CPPED1: variants seen among roughly 807,000 people sequenced by gnomAD.
CPPED1 encodes the protein serine/threonine-protein phosphatase CPPED1.
In CPPED1, 28 loss-of-function variants were observed where a neutral mutation model predicts 28.0. The observed-to-expected ratio is 1.00, with a 90% CI of 0.74 to 1.37. The LOEUF (loss-of-function observed/expected upper bound fraction) is 1.37. Among genes scored for constraint, CPPED1 ranks in the 40% most tolerant of loss-of-function variants. CPPED1 has a pLI of 0.00. For synonymous variants in CPPED1, 198 were observed against 180.2 expected (o/e 1.10, Z -0.79); for missense variants, 504 against 416.5 (o/e 1.21, Z -1.83).
chr16:12,692,268 T>C (rs1343862341), intron 3 of CPPED1, among the ~76,000 whole-genome samples: 1 of 152,074 alleles, frequency 6.6e-6, no homozygotes, highest in Non-Finnish European at 1.5e-5. Flanking sequence ...CTAACTTTAA[T>C]TTGTCCCCGG....
intron 3 of CPPED1, among the ~76,000 whole-genome samples, chr16:12,683,645 G>A (rs140542302): frequency 2.6e-5 from 4 of 152,192 alleles, no homozygotes; most frequent in East Asian, 1.9e-4. Flanking sequence ...GAGTCACCCC[G>A]AGACTCCCTT....
In CPPED1 at chr16:12,704,817, G is replaced by A. The variant is rs766929400; in HGVS notation, c.522C>T (p.Cys174=). The A allele has an allele frequency of 1.7e-5, 28 of 1,614,124 alleles. No individual in the cohort carries two copies. Among genetic ancestry groups the A allele is most frequent in the Middle Eastern group, 1.6e-4 (1 of 6,084 alleles). ...NSQFYENPSK[C]PSLKQAQDQW... Reference sequence around the variant, plus strand: ...GGTCCTGAGCCTGCTTCAGGCTGGGGCATTTGGAGGGGTTCTCGTAGAACT... The same window carrying A: ...GGTCCTGAGCCTGCTTCAGGCTGGGACATTTGGAGGGGTTCTCGTAGAACT... The change falls in exon 3 of 4, where the codon TGC becomes TGT. Residue 174 remains cysteine (C), a synonymous_variant. Transcript: ENST00000381774.
intron 2 of CPPED1, among the ~76,000 whole-genome samples, chr16:12,752,040 C>T (rs979556879): frequency 2.6e-5 from 4 of 152,158 alleles, no homozygotes; most frequent in Non-Finnish European, 4.4e-5. Context: ...CTCCCCAGGT[C>T]AAAGCATTTC....
intron 2 of CPPED1, among the ~76,000 whole-genome samples, chr16:12,730,698 C>G (rs1313739192): frequency 6.6e-6 from 1 of 152,210 alleles, no homozygotes; most frequent in Non-Finnish European, 1.5e-5. Context: ...ACACAAGAGT[C>G]AATACCGCAT....
intron 3 of CPPED1, among the ~76,000 whole-genome samples, chr16:12,669,433 T>C (rs1220716696): frequency 6.6e-6 from 1 of 152,142 alleles, no homozygotes; most frequent in Non-Finnish European, 1.5e-5. Context: ...TGTGAATATA[T>C]TAAAACGACT....
chr16:12,676,147 C>A (rs1420073563), intron 3 of CPPED1, among the ~76,000 whole-genome samples: 1 of 152,198 alleles, frequency 6.6e-6, no homozygotes, highest in African/African-American at 2.4e-5. Flanking sequence ...TATATCTTCC[C>A]CAGTGACCCA....
chr16:12,688,032 AT>A (rs555581530), intron 3 of CPPED1, among the ~76,000 whole-genome samples: 500 of 143,588 alleles, frequency 3.5e-3, no homozygotes, highest in Admixed American at 3.5e-3. Context: ...AACTCACACT[AT>A]TTTTTTTTTT....
intron 3 of CPPED1, among the ~76,000 whole-genome samples, chr16:12,701,212 T>C (rs978125806): frequency 2.7e-5 from 4 of 150,684 alleles, no homozygotes; most frequent in African/African-American, 9.8e-5. Flanking sequence ...CTGAGTGACA[T>C]AGTAAGACTC....
chr16:12,772,634 C>T (rs1008618921), intron 2 of CPPED1, among the ~76,000 whole-genome samples: 2 of 152,190 alleles, frequency 1.3e-5, no homozygotes, highest in African/African-American at 4.8e-5. Flanking sequence ...ATGTCTGGGA[C>T]CCTTTTAACT....
rs938712867 is a variant in CPPED1 at position 12,662,580 on chromosome 16, G to C, written c.*2306C>G. The C allele has an allele frequency of 1.2e-4, 19 of 152,132 alleles. No individual in the cohort carries two copies. Among genetic ancestry groups the C allele is most frequent in the Admixed American group, 1.0e-3 (16 of 15,268 alleles). The allele number at this position is 152,132 out of a possible 1,614,324, so 9.4% of individuals were successfully genotyped here. On this transcript the variant is annotated 3_prime_UTR_variant, in exon 4 of 4. Coordinates refer to ENST00000381774, the MANE Select transcript of CPPED1 (RefSeq NM_018340.3). ...CTCCAATGTTTGTTCCACACTCTAT[G>C]TTCATGGGTACACTTTATGTAGCTC...
In CPPED1 at chr16:12,785,686, G is replaced by C. The variant is rs150384136; in HGVS notation, c.71-4283C>G. Among the ~76,000 whole-genome samples, 342 of 148,836 alleles carry C rather than the reference G, an allele frequency of 2.3e-3. 1 individual carries two copies. Among genetic ancestry groups the C allele is most frequent in the African/African-American group, 8.2e-3 (334 of 40,504 alleles). ...CAAATGATCTGCCCGCCTTGGCCTT[G>C]GACTCCCAAAGTACTGGGATTATAG... On this transcript the variant is annotated intron_variant, in intron 1 of 3. Transcript: ENST00000381774.
chr16:12,780,333 G>A (rs1310743632), intron 2 of CPPED1, among the ~76,000 whole-genome samples: 3 of 151,998 alleles, frequency 2.0e-5, no homozygotes, highest in African/African-American at 7.3e-5. Context: ...GCACCACCAC[G>A]TCTGGCTAAT....
Position 12,803,689 on chromosome 16 carries a change from G to GT in CPPED1, c.70+17dup, listed in dbSNP as rs775041205. On this transcript the variant is annotated intron_variant, in intron 1 of 3. Transcript: ENST00000381774. The stretch of plus-strand genomic sequence containing the variant: ...CGCAGCCCCAGAGTCCCCTCCCCGG[G>GT]TGAGGGGCGGGCAGTACCTGCGGGA... 2.6e-6 allele frequency: 4 copies of GT among 1,538,446 alleles called. No homozygotes were observed. The African/African-American group carries it at 5.7e-5, about 22-fold the overall frequency.
chr16:12,669,547 C>T (rs1310212236), intron 3 of CPPED1, among the ~76,000 whole-genome samples: 1 of 152,134 alleles, frequency 6.6e-6, no homozygotes, highest in African/African-American at 2.4e-5. Context: ...TGATCCATAT[C>T]ACAACAACGG....
intron 2 of CPPED1, among the ~76,000 whole-genome samples, chr16:12,769,095 C>T (rs1330961329): frequency 6.6e-6 from 1 of 151,948 alleles, no homozygotes; most frequent in African/African-American, 2.4e-5. Flanking sequence ...GAACTCCTGA[C>T]CTCAAGTGAT....
At chr16:12,674,534 G>A (rs998197758) in intron 3 of CPPED1, among the ~76,000 whole-genome samples, 4 of 152,162 alleles carry the variant, frequency 2.6e-5, no homozygotes, top group East Asian at 3.9e-4. Context: ...AAGGGCAACC[G>A]CTCCAGGTGG....
rs2141238711 is a variant in CPPED1 at position 12,781,138 on chromosome 16, T to C, written c.289+47A>G. 1.9e-6 allele frequency: 3 copies of C among 1,552,006 alleles called. No individual in the cohort carries two copies. The East Asian group carries it at 7.0e-5, about 36-fold the overall frequency. On this transcript the variant is annotated intron_variant, in intron 2 of 3. Transcript: ENST00000381774. ...TTTTTCTCCTGCCCAAATGCAGTCATGACCGGCTGAAGGAGAAAAGGTCAC... is the reference window on the plus strand; with the variant it reads ...TTTTTCTCCTGCCCAAATGCAGTCACGACCGGCTGAAGGAGAAAAGGTCAC...
At chr16:12,748,880 C>G (rs1185523111) in intron 2 of CPPED1, among the ~76,000 whole-genome samples, 1 of 75,878 alleles carries the variant, frequency 1.3e-5, no homozygotes, top group Non-Finnish European at 3.2e-5. Context: ...GAGACTCCAT[C>G]TCAAAAAAAA....
At chr16:12,717,287 G>A (rs748929523) in intron 2 of CPPED1, among the ~76,000 whole-genome samples, 7 of 152,092 alleles carry the variant, frequency 4.6e-5, no homozygotes, top group Non-Finnish European at 7.4e-5. Context: ...TCTTTGAGGC[G>A]GAGTCTCGCT....
Sources: allele counts gnomAD v4.1 joint callset (sites outside exome capture counted in the v4.1 genomes callset), GRCh38; gene constraint gnomAD v4.1.1; transcripts MANE v1.5; gene names NCBI Gene and HGNC (gene_info 2026-07-23, HGNC 2026-07-21).